The following SMARCC1 variants were observed in gnomAD, a reference collection of about 807,000 sequenced individuals.
The protein encoded by SMARCC1 is SWI/SNF complex subunit SMARCC1.
Under a neutral mutation model 147.4 loss-of-function variants are expected in SMARCC1, and 43 were observed. That is an observed-to-expected ratio of 0.29 (90% confidence interval 0.23 to 0.38). SMARCC1 has a LOEUF of 0.38. Among genes scored for constraint, SMARCC1 ranks in the 10% least tolerant of loss-of-function variants. SMARCC1 has a pLI of 1.00. For missense variants in SMARCC1, 1,119 were observed against 1,381.1 expected (o/e 0.81, Z 3.01); for synonymous variants, 495 against 484.4 (o/e 1.02, Z -0.29).
intron 5 of SMARCC1, among the ~76,000 whole-genome samples, chr3:47,729,499 C>A (rs1056851905): frequency 6.6e-6 from 1 of 152,168 alleles, no homozygotes; most frequent in African/African-American, 2.4e-5. Context: ...GATTCTCCTG[C>A]CTCAGCCTCC....
intron 10 of SMARCC1, among the ~76,000 whole-genome samples, chr3:47,704,058 A>G (rs2033960306): frequency 6.6e-6 from 1 of 152,160 alleles, no homozygotes; most frequent in African/African-American, 2.4e-5. Context: ...TCGGCCTCCC[A>G]AAGTGCTGGG....
chr3:47,776,375 G>C (rs2034975420), intron 1 of SMARCC1, among the ~76,000 whole-genome samples: 1 of 151,862 alleles, frequency 6.6e-6, no homozygotes, highest in African/African-American at 2.4e-5. Context: ...GCCGCGGCGG[G>C]TGGACCACTT....
At chr3:47,665,830 C>A (rs2033412993) in intron 19 of SMARCC1, among the ~76,000 whole-genome samples, 1 of 151,946 alleles carries the variant, frequency 6.6e-6, no homozygotes. Context: ...CATTACTTAA[C>A]CTGGATACAC....
intron 11 of SMARCC1, 120 bp downstream of exon 11, chr3:47,701,158 A>G (rs2033912393): frequency 2.8e-6 from 2 of 719,360 alleles, no homozygotes; most frequent in East Asian, 5.6e-5. Flanking sequence ...CATAAAAGGG[A>G]CAATCTATTC....
At chr3:47,633,361 C>G (rs923746643) in intron 24 of SMARCC1, among the ~76,000 whole-genome samples, 2 of 151,944 alleles carry the variant, frequency 1.3e-5, no homozygotes, top group Non-Finnish European at 2.9e-5. Flanking sequence ...AATGATGGAA[C>G]CAGGAGTCAA....
At chr3:47,715,852 T>C (rs958178476) in intron 7 of SMARCC1, among the ~76,000 whole-genome samples, 3 of 152,124 alleles carry the variant, frequency 2.0e-5, no homozygotes, top group Admixed American at 1.3e-4. Flanking sequence ...TCTACACAGA[T>C]TGCTCCCTCA....
chr3:47,720,943 A>C (rs1232692634), intron 6 of SMARCC1, among the ~76,000 whole-genome samples: 3 of 152,196 alleles, frequency 2.0e-5, no homozygotes, highest in Non-Finnish European at 4.4e-5. Flanking sequence ...CTGACTTTCC[A>C]AACTGTAGGT....
At chr3:47,760,318 TAAAA>T in intron 2 of SMARCC1, among the ~76,000 whole-genome samples, 1 of 150,760 alleles carries the variant, frequency 6.6e-6, no homozygotes, top group African/African-American at 2.4e-5. Context: ...TCAAAAAAAT[TAAAA>T]AAAAGAAATT....
chr3:47,675,358 G>A (rs540225367), intron 18 of SMARCC1, 117 bp downstream of exon 18: 2 of 550,964 alleles, frequency 3.6e-6, no homozygotes, highest in East Asian at 3.1e-5. Flanking sequence ...TAAAAGGTAA[G>A]ATAAATCATA....
At chr3:47,722,203 ACT>A (rs1418299831) in intron 6 of SMARCC1, among the ~76,000 whole-genome samples, 1 of 151,922 alleles carries the variant, frequency 6.6e-6, no homozygotes, top group African/African-American at 2.4e-5. Flanking sequence ...CTTTCAGAAT[ACT>A]GAGTCCATTA....
At chr3:47,608,152 A>G (rs1267261835) in intron 26 of SMARCC1, among the ~76,000 whole-genome samples, 1 of 152,188 alleles carries the variant, frequency 6.6e-6, no homozygotes, top group Admixed American at 6.5e-5. Context: ...CAATGGCACA[A>G]TCTTGGCTCA....
At chr3:47,653,391 T>C (rs2033219396) in intron 21 of SMARCC1, among the ~76,000 whole-genome samples, 1 of 152,230 alleles carries the variant, frequency 6.6e-6, no homozygotes, top group Non-Finnish European at 1.5e-5. Context: ...TTCCCTATAG[T>C]ATGATTTTAC....
intron 24 of SMARCC1, among the ~76,000 whole-genome samples, chr3:47,624,210 A>C (rs1403841982): frequency 6.6e-6 from 1 of 151,984 alleles, no homozygotes; most frequent in East Asian, 1.9e-4. Flanking sequence ...AGAATCGCTT[A>C]AAGCCAGGAG....
intron 2 of SMARCC1, among the ~76,000 whole-genome samples, chr3:47,764,554 T>C (rs1042568020): frequency 1.4e-4 from 22 of 152,178 alleles, no homozygotes; most frequent in African/African-American, 4.8e-4. Flanking sequence ...CATATAGCTT[T>C]CCAGAGCCTT....
At chr3:47,732,173 C>T (rs1171699051) in intron 5 of SMARCC1, among the ~76,000 whole-genome samples, 1 of 152,200 alleles carries the variant, frequency 6.6e-6, no homozygotes. Flanking sequence ...CGGCTTCTTT[C>T]CTTAAACCTC....
intron 14 of SMARCC1, among the ~76,000 whole-genome samples, chr3:47,680,760 G>A (rs1165215390): frequency 2.6e-5 from 4 of 151,700 alleles, no homozygotes; most frequent in Admixed American, 6.6e-5. Flanking sequence ...TTTTAGCTGG[G>A]ATGGTCTCGA....
chr3:47,738,193 G>A lies in SMARCC1; in HGVS notation c.402-83C>T, dbSNP rs1001615209. ...CTTGGTTTTAGAATTCGATGCAAAT[G>A]AGTTAGAAAGATTTGAAAATTAAAA... On this transcript the variant is annotated intron_variant, in intron 3 of 27. Coordinates refer to ENST00000254480, the MANE Select transcript of SMARCC1 (RefSeq NM_003074.4). 7.5e-6 allele frequency: 6 copies of A among 802,384 alleles called. No homozygotes were observed. The Middle Eastern group carries it at 9.3e-4, about 125-fold the overall frequency. The allele number at this position is 802,384 out of a possible 1,614,324, so 49.7% of individuals were successfully genotyped here.
chr3:47,707,133 A>G (rs1576417618), intron 9 of SMARCC1, among the ~76,000 whole-genome samples: 1 of 152,252 alleles, frequency 6.6e-6, no homozygotes, highest in South Asian at 2.1e-4. Context: ...CAACACAGGG[A>G]AAGCCCATCT....
rs1334024668 is a variant in SMARCC1 at position 47,675,499 on chromosome 3, A to G, written c.1815T>C (p.Ile605=). 5 of 1,602,794 alleles carry G rather than the reference A, an allele frequency of 3.1e-6. No individual in the cohort carries two copies. The highest frequency in any genetic ancestry group is 4.3e-6 in the Non-Finnish European group (5 of 1,169,912). The change falls in exon 18 of 28, where the codon ATT becomes ATC. Residue 605 remains isoleucine, a synonymous_variant. Coordinates refer to ENST00000254480, the MANE Select transcript of SMARCC1 (RefSeq NM_003074.4). ...CCTTTGCTAATGTTTTCTTGGAGTA[A>G]ATGTCAGTACGGAGACCAAAGTTCT... ...DLQNFGLRTD[I]YSKKTLAKSK... is the part of the protein sequence containing the mutation.
Sources: gnomAD v4.1 joint callset for allele counts (sites outside exome capture counted in the v4.1 genomes callset) on GRCh38, gnomAD v4.1.1 for gene constraint, MANE v1.5 for transcripts, NCBI Gene and HGNC (gene_info 2026-07-23, HGNC 2026-07-21) for gene names.